NCAN: variants seen among roughly 807,000 people sequenced by gnomAD.
The protein encoded by NCAN is neurocan.
NCAN carries 47 observed loss-of-function variants against 121.8 expected under a neutral mutation model. That is an observed-to-expected ratio of 0.39 (90% CI 0.31 to 0.49). The LOEUF is 0.49. NCAN is among the 20% of genes least tolerant of loss of function. The pLI, the probability that NCAN is intolerant of heterozygous loss-of-function variation, is 0.92. For missense variants in NCAN, 1,517 were observed against 1,773.4 expected, an observed-to-expected ratio of 0.86 and a Z score of 2.60; for synonymous variants, 633 against 702.0, an observed-to-expected ratio of 0.90 and a Z score of 1.55.
chr19:19,224,250 T>G lies in NCAN; in HGVS notation c.650+55T>G, dbSNP rs2060826879. The G allele has an allele frequency of 1.9e-6, 3 of 1,595,242 alleles. No individual in the cohort carries two copies. In the Admixed American group the frequency reaches 5.1e-5, roughly 27 times the overall value. ...AAGACTAGCTCATGGGGAAGGAGGTTCCTTGGGGGCTCCAGGAGCACACAT... is the reference window on the plus strand; with the variant it reads ...AAGACTAGCTCATGGGGAAGGAGGTGCCTTGGGGGCTCCAGGAGCACACAT... On this transcript the variant is annotated intron_variant, in intron 4 of 14. Coordinates refer to ENST00000252575, the MANE Select transcript of NCAN (RefSeq NM_004386.3).
At chr19:19,244,072 A>G (rs1026935628) in intron 12 of NCAN, among the ~76,000 whole-genome samples, 14 of 152,118 alleles carry the variant, frequency 9.2e-5, no homozygotes, top group Non-Finnish European at 1.8e-4. Flanking sequence ...ATTATGTGCT[A>G]TATATATTTT....
chr19:19,235,171 C>T, intron 10 of NCAN, 75 bp downstream of exon 10: 2 of 827,272 alleles, frequency 2.4e-6, no homozygotes, highest in African/African-American at 1.7e-5. Context: ...TCCCCACATA[C>T]TCCAGGTCCC....
chr19:19,224,107 A>T lies in NCAN; in HGVS notation c.562A>T (p.Ile188Phe), dbSNP rs955692272. Residue 188 changes from isoleucine (I) to phenylalanine (F), a missense_variant, in exon 4 of 15, where the codon ATC becomes TTC. Ile to Phe is a conservative substitution (Grantham distance 21). Transcript: ENST00000252575. ...GGAGGCCTGCCGTCTCAGCTCAGCC[A>T]TCATTGCAGCCCCTCGGCATCTACA... ...AQEACRLSSA[I>F]IAAPRHLQAA... 3 of 1,608,906 alleles carry T rather than the reference A, an allele frequency of 1.9e-6. No homozygotes were observed. The highest frequency in any genetic ancestry group is 2.7e-5 in the African/African-American group (2 of 74,868).
In NCAN at chr19:19,227,898, G is replaced by A; in HGVS notation, c.2278G>A (p.Val760Ile). ...GGGTATCCCGGGGTCTGAGTCTGGGGTCTTCGACACAGCAGAAAGCCCCAC... is the reference window on the plus strand; with the variant it reads ...GGGTATCCCGGGGTCTGAGTCTGGGATCTTCGACACAGCAGAAAGCCCCAC... ...LRGIPGSESG[V>I]FDTAESPTSG... Residue 760 changes from valine to isoleucine, a missense_variant, in exon 8 of 15, where the codon GTC becomes ATC. Transcript: ENST00000252575. This position sits in a 1 kb window ranked among gnomAD's most constrained non-coding sequence, Gnocchi z 4.2. The A allele has an allele frequency of 6.2e-7, 1 of 1,613,676 alleles. No homozygotes were observed. The highest frequency in any genetic ancestry group is 8.5e-7 in the Non-Finnish European group (1 of 1,180,016).
intron 3 of NCAN, among the ~76,000 whole-genome samples, chr19:19,223,768 T>A (rs1393833985): frequency 6.6e-6 from 1 of 152,174 alleles, no homozygotes; most frequent in African/African-American, 2.4e-5. Context: ...CCAACATGCC[T>A]GAACGGCCGT....
intron 3 of NCAN, among the ~76,000 whole-genome samples, chr19:19,219,844 G>A (rs1458726016): frequency 7.0e-6 from 1 of 143,210 alleles, no homozygotes; most frequent in East Asian, 2.1e-4. Context: ...GGCCAACATG[G>A]TGAAACCCCG....
chr19:19,230,630 G>T (rs1780610089), intron 8 of NCAN, among the ~76,000 whole-genome samples: 1 of 150,626 alleles, frequency 6.6e-6, no homozygotes, highest in African/African-American at 2.4e-5. Context: ...CCGTTTTTTT[G>T]AAGGCAAAGT....
In NCAN at chr19:19,232,448, G is replaced by A. The variant is rs542517479; in HGVS notation, c.3020-1341G>A. On this transcript the variant is annotated intron_variant, in intron 8 of 14. Transcript: ENST00000252575. ...TGCGTGTGCACACACGTGCAGGGCC[G>A]TCGTCCAGCCACAGGCCCTGCCATC... Among the ~76,000 whole-genome samples the A allele has an allele frequency of 2.2e-4, 34 of 152,358 alleles. No individual in the cohort carries two copies. In the South Asian group the frequency reaches 3.1e-3, roughly 14 times the overall value.
rs190390899 is a variant in NCAN, at chr19:19,224,485, A to G, written c.778+52A>G. On this transcript the variant is annotated intron_variant, in intron 5 of 14. Transcript: ENST00000252575. ...CCCCTCCGCCTCTCTTTGAGTATCT[A>G]TTATTCTCCCCAACTCCCATCCTCC... The G allele has an allele frequency of 2.4e-5, 38 of 1,587,254 alleles. No homozygotes were observed. In the East Asian group the frequency reaches 8.1e-4, roughly 34 times the overall value.
chr19:19,237,504 T>TA (rs1555784715), intron 10 of NCAN, among the ~76,000 whole-genome samples: 10 of 150,782 alleles, frequency 6.6e-5, no homozygotes, highest in African/African-American at 1.7e-4. Context: ...AAAAAAAATT[T>TA]TATATATATA....
chr19:19,229,521 G>T (rs866315185), intron 8 of NCAN, among the ~76,000 whole-genome samples: 1 of 152,192 alleles, frequency 6.6e-6, no homozygotes, highest in Non-Finnish European at 1.5e-5. Context: ...CATGCAAGGG[G>T]CGAGAATCAC....
At chr19:19,232,938 T>G (rs569572138) in intron 8 of NCAN, 3 of 150,886 alleles carry the variant, frequency 2.0e-5, no homozygotes, top group African/African-American at 4.9e-5. Flanking sequence ...ATGAAGCATT[T>G]CATTCTTTTT....
rs746370474 is a variant in NCAN at position 19,227,853 on chromosome 19, A to C, written c.2233A>C (p.Thr745Pro). ...AVGFVPTETATEPTGLRGIPG... is the reference protein window; with the variant it reads ...AVGFVPTETAPEPTGLRGIPG... ...AGGTTTTGTCCCCACTGAGACTGCCACTGAGCCAACGGGCCTCAGGGGTAT... is the reference window on the plus strand; with the variant it reads ...AGGTTTTGTCCCCACTGAGACTGCCCCTGAGCCAACGGGCCTCAGGGGTAT... The change falls in exon 8 of 15, where the codon ACT becomes CCT. Residue 745 changes from threonine (T) to proline (P), a missense_variant. Coordinates refer to ENST00000252575, the MANE Select transcript of NCAN (RefSeq NM_004386.3). This position sits in a 1 kb window ranked among gnomAD's most constrained non-coding sequence, Gnocchi z 4.2. The C allele has an allele frequency of 1.2e-6, 2 of 1,613,708 alleles. No individual in the cohort carries two copies. The highest frequency in any genetic ancestry group is 3.3e-5 in the Admixed American group (2 of 60,020).
chr19:19,227,232 A>G lies in NCAN; in HGVS notation c.1661-49A>G, dbSNP rs1478772222. On this transcript the variant is annotated intron_variant, in intron 7 of 14. Coordinates refer to ENST00000252575, the MANE Select transcript of NCAN (RefSeq NM_004386.3). The surrounding 1 kb of genome is among the most constrained non-coding windows in gnomAD (Gnocchi z 4.2). ...CTCCCTTGGGCCTGGAGTCCAACCA[A>G]AGGGGCTGCTGAGAGATCATTGTAA... 1.3e-6 allele frequency: 2 copies of G among 1,509,198 alleles called. No individual in the cohort carries two copies. The highest frequency in any genetic ancestry group is 1.3e-5 in the South Asian group (1 of 74,606). 93.5% of individuals were successfully genotyped at this position (1,509,198 alleles called of 1,614,324 possible). A position where few individuals can be genotyped will look rare whatever the true frequency, so the allele number is the denominator to read the frequency against.
At chr19:19,223,110 AAAAT>A (rs1415711825) in intron 3 of NCAN, among the ~76,000 whole-genome samples, 1 of 149,254 alleles carries the variant, frequency 6.7e-6, no homozygotes, top group Non-Finnish European at 1.5e-5. Context: ...TCTGTCTCAA[AAAAT>A]AAATAAAATA....
rs763380137 is a variant in NCAN, at chr19:19,228,326, G to A, written c.2706G>A (p.Glu902=). 238 of 1,613,888 alleles carry A rather than the reference G, an allele frequency of 1.5e-4. 2 individuals are homozygous for A. The Middle Eastern group carries it at 3.0e-3, about 20-fold the overall frequency. ...SSSSQPHPEP[E]DQVETQGTSG... is the part of the protein sequence containing the mutation. ...GCTCCCAACCCCACCCAGAGCCAGA[G>A]GATCAGGTGGAGACCCAGGGAACAT... The change falls in exon 8 of 15, where the codon GAG becomes GAA. Residue 902 remains glutamate, a synonymous_variant. Transcript: ENST00000252575.
At position 19,250,446 on chromosome 19, in the gene NCAN, TTC is replaced by T; in HGVS notation, c.*536_*537del. ...CCTTTACCCTGGACTTCAGCCCAAG[TTC>T]CGTCTTTGGTCTTGGTGGATAAACA... is the stretch of plus-strand genomic sequence containing the variant. On this transcript the variant is annotated 3_prime_UTR_variant, in exon 15 of 15. Transcript: ENST00000252575. 2 of 308,738 alleles carry T rather than the reference TTC, an allele frequency of 6.5e-6. No individual in the cohort carries two copies. 19.1% of individuals were successfully genotyped at this position (308,738 alleles called of 1,614,324 possible).
At chr19:19,243,963 C>T (rs918098236) in intron 12 of NCAN, among the ~76,000 whole-genome samples, 6 of 151,976 alleles carry the variant, frequency 3.9e-5, no homozygotes, top group Non-Finnish European at 5.9e-5. Flanking sequence ...ACCTGGGAGG[C>T]GGAGGTAGCA....
At position 19,248,741 on chromosome 19, in the gene NCAN, A is replaced by G; in HGVS notation, c.3679A>G (p.Ile1227Val). ...TCCGGCAGTGGAGAATGCCTCACTC[A>G]TCGGTGCCCGCAAGGCCAAGTACAA... The part of the protein sequence containing the change: ...PPPAVENASL[I>V]GARKAKYNVH... The change falls in exon 14 of 15, where the codon ATC becomes GTC. Residue 1227 changes from isoleucine (I) to valine (V), a missense_variant. Coordinates refer to ENST00000252575, the MANE Select transcript of NCAN (RefSeq NM_004386.3). 1 of 1,614,212 alleles carries G rather than the reference A, an allele frequency of 6.2e-7. No homozygotes were observed.
Sources: allele counts gnomAD v4.1 joint callset (sites outside exome capture counted in the v4.1 genomes callset), GRCh38; gene constraint gnomAD v4.1.1; non-coding constraint Gnocchi (gnomAD v3.1); transcripts MANE v1.5; gene names NCBI Gene and HGNC (gene_info 2026-07-23, HGNC 2026-07-21).